Variants in DLL4 observed in about 807,000 individuals in gnomAD.
DLL4 encodes the protein delta-like protein 4.
DLL4 carries 7 observed loss-of-function variants against 73.6 expected under a neutral mutation model. The ratio of observed to expected loss-of-function variants is 0.10; its 90% CI spans 0.05 to 0.18. The LOEUF (loss-of-function observed/expected upper bound fraction) is 0.18. Among genes scored for constraint, DLL4 ranks in the 10% least tolerant of loss-of-function variants. The pLI is 1.00. For synonymous variants in DLL4, 345 were observed against 374.3 expected (o/e 0.92, Z 0.90); for missense variants, 614 against 929.9 (o/e 0.66, Z 4.42).
At chr15:40,935,201 G>A (rs1485868461) in intron 8 of DLL4, 84 bp downstream of exon 8, 15 of 1,341,790 alleles carry the variant, frequency 1.1e-5, no homozygotes, top group Admixed American at 2.1e-5. Context: ...GGAGAGGAGC[G>A]AGGCATTGTC....
Position 40,934,663 on chromosome 15 carries a change from G to A in DLL4, c.966G>A (p.Glu322=), listed in dbSNP as rs1330950742. The A allele has an allele frequency of 6.2e-7, 1 of 1,613,948 alleles. No homozygotes were observed. The part of the protein sequence containing the change: ...CRPGYTGVDC[E]LELSECDSNP... ...CAGGCTACACTGGTGTGGACTGTGAGCTGGAGCTCAGCGAGTGTGACAGCA... is the reference window on the plus strand; with the variant it reads ...CAGGCTACACTGGTGTGGACTGTGAACTGGAGCTCAGCGAGTGTGACAGCA... The change falls in exon 7 of 11, where the codon GAG becomes GAA. Residue 322 remains glutamate (E), a synonymous_variant. Coordinates refer to ENST00000249749, the MANE Select transcript of DLL4 (RefSeq NM_019074.4).
chr15:40,930,567 C>T lies in DLL4; in HGVS notation c.337-58C>T. On this transcript the variant is annotated intron_variant, in intron 2 of 10. Transcript: ENST00000249749. This position sits in a 1 kb window ranked among gnomAD's most constrained non-coding sequence, Gnocchi z 5.7. ...TTAAACAGGCTGCCGCAAGGCACCC[C>T]CACCTCTCCCCGCTTGCTCATCTCG... is the stretch of plus-strand genomic sequence containing the variant. 1.4e-6 allele frequency: 2 copies of T among 1,442,616 alleles called. No homozygotes were observed. Among genetic ancestry groups the T allele is most frequent in the Non-Finnish European group, 1.9e-6 (2 of 1,028,666 alleles). 89.4% of individuals were successfully genotyped at this position (1,442,616 alleles called of 1,614,324 possible).
intron 9 of DLL4, 56 bp downstream of exon 9, chr15:40,936,986 T>C: frequency 2.1e-6 from 3 of 1,433,926 alleles, no homozygotes; most frequent in Non-Finnish European, 2.8e-6. Flanking sequence ...TGGTTCTGCC[T>C]AGGCTCCTCT....
rs559967752 is a variant in DLL4 at position 40,930,810 on chromosome 15, C to A, written c.394+128C>A. On this transcript the variant is annotated intron_variant, in intron 3 of 10. Coordinates refer to ENST00000249749, the MANE Select transcript of DLL4 (RefSeq NM_019074.4). This position sits in a 1 kb window ranked among gnomAD's most constrained non-coding sequence, Gnocchi z 5.7. ...GGACGCTTAGCTTGGCCTGGAGCTG[C>A]GCCCCGCGCTGGACGCTCGGATTCC... The A allele has an allele frequency of 2.7e-5, 26 of 947,002 alleles. No homozygotes were observed. In the South Asian group the frequency reaches 3.9e-4, roughly 14 times the overall value. The allele number at this position is 947,002 out of a possible 1,614,324, so 58.7% of individuals were successfully genotyped here.
rs76686366 is a variant in DLL4 at position 40,932,359 on chromosome 15, C to A, written c.762C>A (p.Ile254=). 6.2e-7 allele frequency: 1 copy of A among 1,613,870 alleles called. No individual in the cohort carries two copies. The highest frequency in any genetic ancestry group is 8.5e-7 in the Non-Finnish European group (1 of 1,179,910). The change falls in exon 6 of 11, where the codon ATC becomes ATA. Residue 254 remains isoleucine, a synonymous_variant. Transcript: ENST00000249749. ...GWQGRLCNEC[I]PHNGCRHGTC... is the part of the protein sequence containing the mutation. ...AGGGCCGGCTGTGTAACGAATGCATCCCCCACAATGGCTGTCGCCACGGCA... is the reference window on the plus strand; with the variant it reads ...AGGGCCGGCTGTGTAACGAATGCATACCCCACAATGGCTGTCGCCACGGCA...
At position 40,935,075 on chromosome 15, in the gene DLL4, G is replaced by A. The variant is rs1892824424; in HGVS notation, c.1198G>A (p.Glu400Lys). 3 of 1,613,176 alleles carry A rather than the reference G, an allele frequency of 1.9e-6. No individual in the cohort carries two copies. The highest frequency in any genetic ancestry group is 1.7e-6 in the Non-Finnish European group (2 of 1,179,906). The change falls in exon 8 of 11, where the codon GAG becomes AAG. Residue 400 changes from glutamate (E) to lysine (K), a missense_variant. Transcript: ENST00000249749. ...CCCCAACTTCACCGGCTCCAACTGC[G>A]AGAAGAAAGTGGACAGGTGCACCAG... ...CPPNFTGSNC[E>K]KKVDRCTSNP...
chr15:40,933,240 A>G (rs1892794216), intron 6 of DLL4, among the ~76,000 whole-genome samples: 1 of 151,938 alleles, frequency 6.6e-6, no homozygotes, highest in African/African-American at 2.4e-5. Context: ...CTTGCTGTCA[A>G]CAAGGGGCTT....
Position 40,935,074 on chromosome 15 carries a change from C to T in DLL4, c.1197C>T (p.Cys399=), listed in dbSNP as rs755525514. The stretch of plus-strand genomic sequence containing the variant: ...CCCCCAACTTCACCGGCTCCAACTG[C>T]GAGAAGAAAGTGGACAGGTGCACCA... ...ECPPNFTGSN[C]EKKVDRCTSN... Residue 399 remains cysteine (C), a synonymous_variant, in exon 8 of 11, where the codon TGC becomes TGT. Transcript: ENST00000249749. The T allele has an allele frequency of 2.5e-5, 40 of 1,613,186 alleles. No individual in the cohort carries two copies. Among genetic ancestry groups the T allele is most frequent in the Non-Finnish European group, 2.8e-5 (33 of 1,179,904 alleles).
chr15:40,937,592 C>T (rs1892863656), intron 10 of DLL4, 66 bp downstream of exon 10: 6 of 1,173,910 alleles, frequency 5.1e-6, no homozygotes, highest in Admixed American at 1.7e-5. Context: ...TCACTCTTGA[C>T]CCATGGGCCA....
In DLL4 at chr15:40,932,301, C is replaced by G. The variant is rs1485804824; in HGVS notation, c.720-16C>G. ...CAAGGCCTCTCACCTCACTCTGCCT[C>G]TCTCTTGTTCCCCAGCTGCCGCCCA... On this transcript the variant is annotated splice_polypyrimidine_tract_variant and intron_variant, in intron 5 of 10. Transcript: ENST00000249749. The G allele has an allele frequency of 1.2e-6, 2 of 1,613,926 alleles. No homozygotes were observed. Among genetic ancestry groups the G allele is most frequent in the Admixed American group, 1.7e-5 (1 of 60,016 alleles).
At chr15:40,937,603 T>C in intron 10 of DLL4, 77 bp downstream of exon 10, 1 of 1,079,542 alleles carries the variant, frequency 9.3e-7, no homozygotes, top group East Asian at 2.4e-5. Context: ...CCATGGGCCA[T>C]TCCTGAAGGG....
chr15:40,934,839 C>A, intron 7 of DLL4, 59 bp from the exon 8 acceptor site: 1 of 1,589,734 alleles, frequency 6.3e-7, no homozygotes, highest in South Asian at 1.1e-5. Context: ...GCCCAGCCTT[C>A]AGTCACACAT....
chr15:40,934,448 T>G, intron 6 of DLL4, 100 bp from the exon 7 acceptor site: 2 of 1,209,164 alleles, frequency 1.7e-6, no homozygotes, highest in Non-Finnish European at 1.1e-6. Flanking sequence ...TGAGTTGAGG[T>G]GTCTTTGAGC....
intron 9 of DLL4, 51 bp from the exon 10 acceptor site, chr15:40,937,367 C>T (rs1231300178): frequency 1.5e-6 from 2 of 1,347,386 alleles, no homozygotes; most frequent in Non-Finnish European, 2.1e-6. Flanking sequence ...CCTCCCTCCC[C>T]CCAAGCCTCT....
In DLL4 at chr15:40,930,446, G is replaced by A. The variant is rs1892749958; in HGVS notation, c.337-179G>A. The A allele has an allele frequency of 2.1e-5, 14 of 665,814 alleles. No homozygotes were observed. In the South Asian group the frequency reaches 2.2e-4, roughly 10 times the overall value. The allele number at this position is 665,814 out of a possible 1,614,324, so 41.2% of individuals were successfully genotyped here. On this transcript the variant is annotated intron_variant, in intron 2 of 10. Coordinates refer to ENST00000249749, the MANE Select transcript of DLL4 (RefSeq NM_019074.4). The surrounding 1 kb of genome is among the most constrained non-coding windows in gnomAD (Gnocchi z 5.7). Reference sequence around the variant, plus strand: ...CGTCTCTCAACCCTCCCTCTACCGGGGGTTCTCCTCTCGCCTTCCCTGCTC... The same window carrying A: ...CGTCTCTCAACCCTCCCTCTACCGGAGGTTCTCCTCTCGCCTTCCCTGCTC...
At chr15:40,931,059 T>C (rs925313685) in intron 3 of DLL4, 1 of 374,900 alleles carries the variant, frequency 2.7e-6, no homozygotes, top group Non-Finnish European at 4.8e-6. Context: ...AGCACAACAA[T>C]TCTCACTTTG....
intron 6 of DLL4, among the ~76,000 whole-genome samples, chr15:40,932,872 C>T (rs1345520140): frequency 6.6e-6 from 1 of 152,206 alleles, no homozygotes; most frequent in Non-Finnish European, 1.5e-5. Flanking sequence ...GGTGTGCCCA[C>T]CGGCCACCTG....
chr15:40,931,046 A>G (rs1433771007), intron 3 of DLL4: 5 of 406,424 alleles, frequency 1.2e-5, no homozygotes, highest in Non-Finnish European at 2.2e-5. Context: ...AGGATATTTC[A>G]GCAGCACAAC....
intron 8 of DLL4, 113 bp downstream of exon 8, chr15:40,935,230 T>C: frequency 9.2e-7 from 1 of 1,082,138 alleles, no homozygotes; most frequent in Non-Finnish European, 1.3e-6. Flanking sequence ...TGGCCCCCCA[T>C]CTGCTCTGGA....
Sources: allele counts gnomAD v4.1 joint callset (sites outside exome capture counted in the v4.1 genomes callset), GRCh38; gene constraint gnomAD v4.1.1; non-coding constraint Gnocchi (gnomAD v3.1); transcripts MANE v1.5; gene names NCBI Gene and HGNC (gene_info 2026-07-23, HGNC 2026-07-21).